The following CPQ variants were observed in gnomAD, a reference collection of about 807,000 sequenced individuals.
CPQ encodes Ser-Met dipeptidase.
CPQ carries 37 observed loss-of-function variants against 45.7 expected under a neutral mutation model. The ratio of observed to expected loss-of-function variants is 0.81; its 90% CI spans 0.62 to 1.07. The LOEUF (loss-of-function observed/expected upper bound fraction) is 1.07. CPQ is among the 50% of genes least tolerant of loss of function. The pLI is 0.00. For missense variants in CPQ, 537 were observed against 572.9 expected (o/e 0.94, Z 0.64); for synonymous variants, 186 against 205.8 (o/e 0.90, Z 0.82).
chr8:96,948,493 G>T (rs891410953), intron 4 of CPQ, among the ~76,000 whole-genome samples: 1 of 151,816 alleles, frequency 6.6e-6, no homozygotes, highest in African/African-American at 2.4e-5. Flanking sequence ...ATTCCATTGT[G>T]GTCAGAAAAA....
chr8:96,900,734 T>C (rs1185538004), intron 4 of CPQ, among the ~76,000 whole-genome samples: 1 of 152,174 alleles, frequency 6.6e-6, no homozygotes, highest in African/African-American at 2.4e-5. Flanking sequence ...GGACGGGAAC[T>C]TAATAGTTGG....
chr8:96,961,489 C>T (rs968092858), intron 4 of CPQ, among the ~76,000 whole-genome samples: 52 of 152,116 alleles, frequency 3.4e-4, no homozygotes, highest in African/African-American at 1.2e-3. Context: ...CTTCTAATTT[C>T]TAGCAACTCC....
intron 4 of CPQ, among the ~76,000 whole-genome samples, chr8:96,922,152 T>C (rs1472188303): frequency 1.3e-5 from 2 of 152,156 alleles, no homozygotes; most frequent in African/African-American, 4.8e-5. Context: ...ACACAGAGTA[T>C]GCAACTTTAA....
intron 1 of CPQ, among the ~76,000 whole-genome samples, chr8:96,679,008 A>G (rs1157121670): frequency 6.6e-6 from 1 of 151,764 alleles, no homozygotes; most frequent in African/African-American, 2.4e-5. Context: ...TGCTTCTCCT[A>G]TGTATTCTTC....
chr8:97,068,160 C>T (rs542649612), intron 7 of CPQ, among the ~76,000 whole-genome samples: 1 of 152,062 alleles, frequency 6.6e-6, no homozygotes, highest in Non-Finnish European at 1.5e-5. Flanking sequence ...TAGCTTTTTT[C>T]CTTCACATGT....
chr8:96,858,754 A>C (rs1471845178), intron 3 of CPQ, among the ~76,000 whole-genome samples: 1 of 152,228 alleles, frequency 6.6e-6, no homozygotes, highest in African/African-American at 2.4e-5. Flanking sequence ...AAAAATACAC[A>C]AAGATTTGAA....
chr8:96,657,568 A>G lies in CPQ; in HGVS notation c.-35+12166A>G, dbSNP rs573153463. On this transcript the variant is annotated intron_variant, in intron 1 of 7. Transcript: ENST00000220763. ...ACTTTCTGTAGAGGGAAGTGAAGCC[A>G]AGTGAAGCCTGGGACTTCCTATTCT... is the stretch of plus-strand genomic sequence containing the variant. 7.2e-5 allele frequency among the ~76,000 whole-genome samples: 11 copies of G among 152,346 alleles called. No homozygotes were observed. In the South Asian group the frequency reaches 2.1e-3, roughly 29 times the overall value.
intron 4 of CPQ, among the ~76,000 whole-genome samples, chr8:96,922,967 A>G (rs865969704): frequency 2.6e-5 from 4 of 152,192 alleles, no homozygotes; most frequent in African/African-American, 7.2e-5. Flanking sequence ...GGCATAGCCC[A>G]TAAGATTAGC....
intron 1 of CPQ, among the ~76,000 whole-genome samples, chr8:96,783,260 A>AGTGTGT (rs71267280): frequency 6.3e-4 from 93 of 147,980 alleles, no homozygotes; most frequent in Non-Finnish European, 9.3e-4. Context: ...TAGTTGTGTG[A>AGTGTGT]GTGTGTGTGT....
intron 7 of CPQ, among the ~76,000 whole-genome samples, chr8:97,105,090 C>G (rs774480769): frequency 6.6e-6 from 1 of 152,196 alleles, no homozygotes; most frequent in Non-Finnish European, 1.5e-5. Flanking sequence ...AAAAGACCAC[C>G]CCGGCATTGT....
intron 7 of CPQ, among the ~76,000 whole-genome samples, chr8:97,072,266 T>C (rs1372531238): frequency 6.6e-6 from 1 of 152,148 alleles, no homozygotes; most frequent in Non-Finnish European, 1.5e-5. Flanking sequence ...TGATGATATC[T>C]ATTGGGTAAA....
chr8:96,949,319 A>G (rs1441300442), intron 4 of CPQ, among the ~76,000 whole-genome samples: 1 of 148,750 alleles, frequency 6.7e-6, no homozygotes, highest in Non-Finnish European at 1.5e-5. Flanking sequence ...ATACCTTTTC[A>G]TGGGTTTTGG....
chr8:96,682,782 A>C (rs1809168703), intron 1 of CPQ, among the ~76,000 whole-genome samples: 1 of 151,942 alleles, frequency 6.6e-6, no homozygotes, highest in South Asian at 2.1e-4. Flanking sequence ...TTTTGGTTTC[A>C]TTTGCATGGA....
At chr8:96,656,937 C>T (rs1283664350) in intron 1 of CPQ, among the ~76,000 whole-genome samples, 2 of 152,088 alleles carry the variant, frequency 1.3e-5, no homozygotes, top group African/African-American at 4.8e-5. Context: ...TGCCAGTATT[C>T]CCCATGAGGT....
At chr8:96,830,495 C>A (rs970405650) in intron 2 of CPQ, among the ~76,000 whole-genome samples, 1 of 151,884 alleles carries the variant, frequency 6.6e-6, no homozygotes, top group African/African-American at 2.4e-5. Context: ...AAAAATTGAT[C>A]GGTTTTGAAA....
chr8:96,781,612 T>G (rs567718707), intron 1 of CPQ, among the ~76,000 whole-genome samples: 1 of 152,286 alleles, frequency 6.6e-6, no homozygotes, highest in Admixed American at 6.5e-5. Context: ...TCCTGTCATG[T>G]TTTTCTTACA....
At chr8:97,125,982 G>T (rs1461563153) in intron 7 of CPQ, among the ~76,000 whole-genome samples, 1 of 152,140 alleles carries the variant, frequency 6.6e-6, no homozygotes, top group African/African-American at 2.4e-5. Flanking sequence ...CTAAAAGAGA[G>T]GGGCTCTGTG....
At chr8:96,919,316 G>A (rs569763883) in intron 4 of CPQ, among the ~76,000 whole-genome samples, 1 of 152,058 alleles carries the variant, frequency 6.6e-6, no homozygotes, top group South Asian at 2.1e-4. Flanking sequence ...TGGCTTCCAC[G>A]TCATTCTGTC....
Position 96,972,303 on chromosome 8 carries a change from C to T in CPQ, c.961+6257C>T, listed in dbSNP as rs139608426. Among the ~76,000 whole-genome samples, 17 of 152,194 alleles carry T rather than the reference C, an allele frequency of 1.1e-4. 1 individual carries two copies. On this transcript the variant is annotated intron_variant, in intron 5 of 7. Coordinates refer to ENST00000220763, the MANE Select transcript of CPQ (RefSeq NM_016134.4). ...AGCCATAATCCCCCTGGGAATATAA[C>T]TCCATTGGACTGGGATCCACACCCT...
Sources: allele counts gnomAD v4.1 joint callset (sites outside exome capture counted in the v4.1 genomes callset), GRCh38; gene constraint gnomAD v4.1.1; transcripts MANE v1.5; gene names NCBI Gene and HGNC (gene_info 2026-07-23, HGNC 2026-07-21).